NEGR1: variants seen among roughly 807,000 people sequenced by gnomAD.
NEGR1 encodes IgLON family member 4.
In NEGR1, 10 loss-of-function variants were observed where a neutral mutation model predicts 40.9. The ratio of observed to expected loss-of-function variants is 0.24; its 90% confidence interval spans 0.15 to 0.42. NEGR1 has a LOEUF of 0.42. Ranked by LOEUF, NEGR1 falls within the 10% of genes least tolerant of loss-of-function variation. The probability of loss-of-function intolerance (pLI) is 1.00; values close to 1 mark genes in which losing one functional copy is unlikely to be tolerated. For missense variants in NEGR1, 352 were observed against 438.9 expected, an observed-to-expected ratio of 0.80 and a Z score of 1.77; for synonymous variants, 185 against 166.8, an observed-to-expected ratio of 1.11 and a Z score of -0.84.
chr1:71,836,552 C>G (rs188270994), intron 2 of NEGR1, among the ~76,000 whole-genome samples: 10 of 150,814 alleles, frequency 6.6e-5, no homozygotes, highest in African/African-American at 1.7e-4. Flanking sequence ...AACAATGAAA[C>G]CTGCTGGAAC....
intron 4 of NEGR1, among the ~76,000 whole-genome samples, chr1:71,664,454 T>C (rs1652172068): frequency 2.6e-5 from 4 of 152,182 alleles, no homozygotes. Flanking sequence ...TATTTTACAA[T>C]TTCCAGTTTT....
At chr1:71,908,971 A>C (rs1661353374) in intron 2 of NEGR1, among the ~76,000 whole-genome samples, 1 of 152,174 alleles carries the variant, frequency 6.6e-6, no homozygotes, top group Non-Finnish European at 1.5e-5. Context: ...AATGGTGTCA[A>C]GTGTAACATT....
chr1:71,573,355 T>C (rs1028585591), intron 6 of NEGR1: 9 of 152,254 alleles, frequency 5.9e-5, no homozygotes, highest in Non-Finnish European at 1.0e-4. Context: ...TTTAGATGAA[T>C]TAATCAATGT....
intron 1 of NEGR1, among the ~76,000 whole-genome samples, chr1:72,020,088 T>A (rs1012440643): frequency 2.0e-5 from 3 of 152,232 alleles, no homozygotes; most frequent in African/African-American, 7.2e-5. Context: ...GCATACTTTA[T>A]TATTATTCCC....
chr1:71,490,525 A>G (rs771714046), intron 6 of NEGR1, among the ~76,000 whole-genome samples: 1 of 152,058 alleles, frequency 6.6e-6, no homozygotes, highest in African/African-American at 2.4e-5. Flanking sequence ...GGCAGAATTC[A>G]CTGTTTCAAA....
intron 5 of NEGR1, among the ~76,000 whole-genome samples, chr1:71,609,617 A>G (rs921853830): frequency 3.5e-5 from 5 of 144,020 alleles, no homozygotes; most frequent in Admixed American, 1.4e-4. Flanking sequence ...AAAAAGGGAT[A>G]TTGTCTTCCA....
At chr1:71,532,589 A>G (rs1296337692) in intron 6 of NEGR1, among the ~76,000 whole-genome samples, 1 of 151,670 alleles carries the variant, frequency 6.6e-6, no homozygotes, top group Non-Finnish European at 1.5e-5. Flanking sequence ...AAGGCATTGC[A>G]GAAGCTAATC....
intron 6 of NEGR1, among the ~76,000 whole-genome samples, chr1:71,530,797 T>G (rs1262998930): frequency 6.6e-6 from 1 of 151,304 alleles, no homozygotes; most frequent in African/African-American, 2.4e-5. Context: ...ACAATTATTA[T>G]GTCTCAGAGT....
intron 3 of NEGR1, chr1:71,703,473 TAGAA>T (rs1389563806): frequency 2.9e-5 from 3 of 103,722 alleles, no homozygotes; most frequent in Middle Eastern, 5.1e-3. Context: ...AAACAGTCAA[TAGAA>T]AGAGACCTAG....
intron 3 of NEGR1, among the ~76,000 whole-genome samples, chr1:71,741,518 C>T (rs1036222419): frequency 5.3e-5 from 8 of 152,102 alleles, no homozygotes; most frequent in African/African-American, 1.9e-4. Flanking sequence ...CCCTTCCTGC[C>T]AGTATTTGCC....
chr1:71,936,271 C>A (rs1255206470), intron 1 of NEGR1, among the ~76,000 whole-genome samples: 1 of 152,054 alleles, frequency 6.6e-6, no homozygotes. Context: ...CTTGTTTTTG[C>A]AATTTATTGA....
At chr1:72,142,540 T>C (rs1650723824) in intron 1 of NEGR1, among the ~76,000 whole-genome samples, 1 of 151,588 alleles carries the variant, frequency 6.6e-6, no homozygotes, top group African/African-American at 2.4e-5. Context: ...GATAGATAGA[T>C]AGATAGATAG....
chr1:71,982,375 ACTAT>A (rs1271936268), intron 1 of NEGR1, among the ~76,000 whole-genome samples: 1 of 104,118 alleles, frequency 9.6e-6, no homozygotes, highest in Non-Finnish European at 1.9e-5. Flanking sequence ...CTTTGGTCTA[ACTAT>A]CATTTGGCAT....
At chr1:71,787,158 T>C (rs1656942728) in intron 2 of NEGR1, among the ~76,000 whole-genome samples, 1 of 152,188 alleles carries the variant, frequency 6.6e-6, no homozygotes, top group African/African-American at 2.4e-5. Context: ...CAAATAATTG[T>C]AGTTGTTAAA....
intron 1 of NEGR1, among the ~76,000 whole-genome samples, chr1:72,016,867 T>C (rs1458355905): frequency 6.6e-6 from 1 of 152,200 alleles, no homozygotes; most frequent in Non-Finnish European, 1.5e-5. Context: ...CATTTTGTAT[T>C]ATACCTGAAT....
At chr1:72,251,317 T>C (rs1253768845) in intron 1 of NEGR1, among the ~76,000 whole-genome samples, 3 of 152,214 alleles carry the variant, frequency 2.0e-5, no homozygotes, top group Admixed American at 6.5e-5. Context: ...CTTAATGTAT[T>C]ATGTAGATAT....
intron 1 of NEGR1, among the ~76,000 whole-genome samples, chr1:71,969,278 G>A (rs1220190105): frequency 6.6e-6 from 1 of 152,154 alleles, no homozygotes; most frequent in Admixed American, 6.5e-5. Flanking sequence ...GCCTCCCAAA[G>A]TGCTGGGATT....
chr1:71,969,044 C>A, intron 1 of NEGR1, among the ~76,000 whole-genome samples: 1 of 151,442 alleles, frequency 6.6e-6, no homozygotes, highest in African/African-American at 2.4e-5. Context: ...GACAGAGTTT[C>A]GCTCTTGTTG....
intron 6 of NEGR1, among the ~76,000 whole-genome samples, chr1:71,560,460 T>TATATATATA (rs1198448626): frequency 2.2e-4 from 32 of 143,176 alleles, no homozygotes; most frequent in South Asian, 6.5e-4. Flanking sequence ...TATATATATA[T>TATATATATA]TTCCAATTAA....
Sources: gnomAD v4.1 joint callset for allele counts (sites outside exome capture counted in the v4.1 genomes callset) on GRCh38, gnomAD v4.1.1 for gene constraint, MANE v1.5 for transcripts, NCBI Gene and HGNC (gene_info 2026-07-23, HGNC 2026-07-21) for gene names.